The following CCDC47 variants were observed in gnomAD, a reference collection of about 807,000 sequenced individuals.
CCDC47 encodes the protein coiled-coil domain containing 47.
In CCDC47, 41 loss-of-function variants were observed where a neutral mutation model predicts 60.5. The ratio of observed to expected loss-of-function variants is 0.68; its 90% CI spans 0.53 to 0.88. CCDC47 has a LOEUF of 0.88. Ranked by LOEUF, CCDC47 falls within the 40% of genes least tolerant of loss-of-function variation. CCDC47 has a pLI of 0.00. For missense variants in CCDC47, 513 were observed against 580.9 expected, an observed-to-expected ratio of 0.88 and a Z score of 1.20; for synonymous variants, 195 against 190.7, an observed-to-expected ratio of 1.02 and a Z score of -0.18.
chr17:63,748,556 C>T (rs552105062), intron 12 of CCDC47, among the ~76,000 whole-genome samples: 1 of 152,298 alleles, frequency 6.6e-6, no homozygotes, highest in African/African-American at 2.4e-5. Context: ...TGTCCCAACC[C>T]CTACCTTCAC....
chr17:63,755,409 C>A, intron 8 of CCDC47: 1 of 300,682 alleles, frequency 3.3e-6, no homozygotes, highest in Non-Finnish European at 4.8e-6. Flanking sequence ...CACTTGAGGC[C>A]AGGAATTCCA....
chr17:63,758,430 T>C (rs994573131), intron 6 of CCDC47, among the ~76,000 whole-genome samples: 2 of 152,068 alleles, frequency 1.3e-5, no homozygotes, highest in African/African-American at 2.4e-5. Context: ...TCCCAGCACT[T>C]TGGGAGGCCC....
chr17:63,766,702 G>A (rs572255000), intron 1 of CCDC47: 77 of 388,210 alleles, frequency 2.0e-4, no homozygotes, highest in Non-Finnish European at 2.4e-4. Context: ...TGGGATTACA[G>A]GTGTGAGCCA....
Position 63,746,908 on chromosome 17 carries a change from C to A in CCDC47, c.1425G>T (p.Met475Ile). ...ACATGGCTTTCACTTTGATTTGTTTCATTTTCATTTGCTTCTTTTCCAACT... is the reference window on the plus strand; with the variant it reads ...ACATGGCTTTCACTTTGATTTGTTTAATTTTCATTTGCTTCTTTTCCAACT... Reference protein sequence around the residue: ...QKKLEKKQMKMKQIKVKAM With the variant: ...QKKLEKKQMKIKQIKVKAM The change falls in exon 13 of 13, where the codon ATG (methionine) becomes ATT (isoleucine). Residue 475 changes from methionine to isoleucine, a missense_variant. Physicochemically the swap from Met to Ile is conservative, Grantham distance 10. Coordinates refer to ENST00000225726, the MANE Select transcript of CCDC47 (RefSeq NM_020198.3). The A allele has an allele frequency of 6.2e-7, 1 of 1,613,682 alleles. No individual in the cohort carries two copies. Among genetic ancestry groups the A allele is most frequent in the Non-Finnish European group, 8.5e-7 (1 of 1,179,774 alleles).
rs142629497 is a variant in CCDC47, at chr17:63,751,008, G to A, written c.1371+932C>T. 3.7e-3 allele frequency among the ~76,000 whole-genome samples: 558 copies of A among 150,680 alleles called. 7 individuals carry two copies. The highest frequency in any genetic ancestry group is 0.013 in the African/African-American group (528 of 40,880). ...TTCCACTTCAGTCTCCCAAGTAGTT[G>A]GGACTACAGGTATGCACCACTATGC... On this transcript the variant is annotated intron_variant, in intron 12 of 12. Transcript: ENST00000225726.
At chr17:63,762,452 G>C (rs982703457) in intron 4 of CCDC47, among the ~76,000 whole-genome samples, 3 of 152,074 alleles carry the variant, frequency 2.0e-5, no homozygotes, top group Non-Finnish European at 4.4e-5. Flanking sequence ...TTCCTCCTTA[G>C]GAAAACAGCA....
chr17:63,770,985 CAAA>C (rs760648451), intron 1 of CCDC47, among the ~76,000 whole-genome samples: 1 of 49,170 alleles, frequency 2.0e-5, no homozygotes. Context: ...GAGACTGTGT[CAAA>C]AAAAAAAAAA....
At chr17:63,757,903 C>G (rs1014592036) in intron 6 of CCDC47, among the ~76,000 whole-genome samples, 14 of 152,154 alleles carry the variant, frequency 9.2e-5, no homozygotes, top group African/African-American at 3.1e-4. Context: ...TGCCGATAAC[C>G]AGAAAAACCA....
At chr17:63,766,244 A>G in intron 1 of CCDC47, 50 bp from the exon 2 acceptor site, 1 of 1,498,040 alleles carries the variant, frequency 6.7e-7, no homozygotes, top group South Asian at 1.3e-5. Context: ...ATACATACTG[A>G]TCAGATTTTA....
Position 63,746,088 on chromosome 17 carries a change from A to G in CCDC47, c.*793T>C, listed in dbSNP as rs1463406203. ...AACATTTGTGATTTCACACAGACCA[A>G]TGATCTTACCTAGGTGAAGCATTAA... is the stretch of plus-strand genomic sequence containing the variant. On this transcript the variant is annotated 3_prime_UTR_variant, in exon 13 of 13. Coordinates refer to ENST00000225726, the MANE Select transcript of CCDC47 (RefSeq NM_020198.3). 6.6e-6 allele frequency: 1 copy of G among 152,226 alleles called. No individual in the cohort carries two copies. Among genetic ancestry groups the G allele is most frequent in the Admixed American group, 6.5e-5 (1 of 15,280 alleles). The allele number at this position is 152,226 out of a possible 1,614,324, so 9.4% of individuals were successfully genotyped here.
intron 12 of CCDC47, chr17:63,747,532 T>C: frequency 1.0e-6 from 1 of 983,612 alleles, no homozygotes; most frequent in Non-Finnish European, 1.2e-6. Flanking sequence ...ATTAGGAAGT[T>C]ACATAGAAGA....
At chr17:63,769,284 C>T (rs2039319030) in intron 1 of CCDC47, among the ~76,000 whole-genome samples, 1 of 149,948 alleles carries the variant, frequency 6.7e-6, no homozygotes, top group South Asian at 2.1e-4. Flanking sequence ...CAAATGAAGT[C>T]GAAACCCAGA....
intron 12 of CCDC47, among the ~76,000 whole-genome samples, chr17:63,748,265 A>G (rs979013397): frequency 2.0e-5 from 3 of 151,556 alleles, no homozygotes; most frequent in Non-Finnish European, 4.4e-5. Context: ...GGTGTGTGCC[A>G]TCATGCCCAG....
chr17:63,753,178 C>T (rs2039180216), intron 9 of CCDC47: 1 of 608,328 alleles, frequency 1.6e-6, no homozygotes, highest in Admixed American at 6.3e-5. Context: ...ATTCTATCTT[C>T]CTATAACAAG....
intron 4 of CCDC47, chr17:63,761,998 T>C (rs1033417290): frequency 1.4e-5 from 12 of 841,026 alleles, no homozygotes; most frequent in African/African-American, 3.7e-5. Flanking sequence ...AAAACTCCTA[T>C]GGAGTGAATA....
At chr17:63,747,771 T>C (rs1423875512) in intron 12 of CCDC47, 3 of 985,288 alleles carry the variant, frequency 3.0e-6, no homozygotes, top group Non-Finnish European at 3.6e-6. Flanking sequence ...GCAAAGCATA[T>C]ATAGTTCTTC....
At chr17:63,762,569 C>A (rs1230755072) in intron 4 of CCDC47, among the ~76,000 whole-genome samples, 1 of 152,184 alleles carries the variant, frequency 6.6e-6, no homozygotes, top group Non-Finnish European at 1.5e-5. Flanking sequence ...CAGGTGGATA[C>A]ATGCTTACTA....
At chr17:63,758,863 A>G (rs2039227733) in intron 6 of CCDC47, among the ~76,000 whole-genome samples, 2 of 152,220 alleles carry the variant, frequency 1.3e-5, no homozygotes. Context: ...GAAATTACAC[A>G]AAGCAAACCT....
chr17:63,748,370 C>T (rs772634530), intron 12 of CCDC47, among the ~76,000 whole-genome samples: 5 of 152,134 alleles, frequency 3.3e-5, no homozygotes, highest in Non-Finnish European at 7.3e-5. Context: ...GCCTCGGCCT[C>T]CCAAAGTGTT....
Sources: gnomAD v4.1 joint callset for allele counts (sites outside exome capture counted in the v4.1 genomes callset) on GRCh38, gnomAD v4.1.1 for gene constraint, MANE v1.5 for transcripts, NCBI Gene and HGNC (gene_info 2026-07-23, HGNC 2026-07-21) for gene names.